Variants in PSMB5 observed in about 807,000 individuals in gnomAD.
PSMB5 encodes the protein proteasome 20S subunit beta 5.
Under a neutral mutation model 22.8 loss-of-function variants are expected in PSMB5, and 2 were observed. The ratio of observed to expected loss-of-function variants is 0.09; its 90% CI spans 0.04 to 0.28. PSMB5 has a LOEUF of 0.28. Among genes scored for constraint, PSMB5 ranks in the 10% least tolerant of loss-of-function variants. PSMB5 has a pLI of 1.00. For missense variants in PSMB5, 269 were observed against 343.8 expected, an observed-to-expected ratio of 0.78 and a Z score of 1.72; for synonymous variants, 133 against 135.3, an observed-to-expected ratio of 0.98 and a Z score of 0.12.
At position 23,026,155 on chromosome 14, in the gene PSMB5, G is replaced by A. The variant is rs1303171893; in HGVS notation, c.726C>T (p.Gly242=). Residue 242 remains glycine, a synonymous_variant, in exon 3 of 3, where the codon GGC becomes GGT. Transcript: ENST00000361611. The part of the protein sequence containing the change: ...AVNLYHVRED[G]WIRVSSDNVA... The stretch of plus-strand genomic sequence containing the variant: ...CATTGTCACTGGAGACTCGGATCCA[G>A]CCATCCTCCCGCACGTGGTAGAGGT... 15 of 1,614,030 alleles carry A rather than the reference G, an allele frequency of 9.3e-6. No homozygotes were observed. The highest frequency in any genetic ancestry group is 3.3e-5 in the Admixed American group (2 of 60,010).
intron 2 of PSMB5, among the ~76,000 whole-genome samples, chr14:23,032,954 T>C (rs995271423): frequency 1.0e-4 from 15 of 150,476 alleles, no homozygotes; most frequent in Non-Finnish European, 1.6e-4. Context: ...TCGCCCAGGC[T>C]GGAGTGCAGT....
intron 2 of PSMB5, 116 bp downstream of exon 2, chr14:23,033,252 A>G: frequency 9.3e-7 from 1 of 1,071,510 alleles, no homozygotes; most frequent in Non-Finnish European, 1.3e-6. Context: ...AGGAAGGGCT[A>G]AGGACCTAAT....
rs184086603 is a variant in PSMB5, at chr14:23,029,227, C to G, written c.506-2852G>C. On this transcript the variant is annotated intron_variant, in intron 2 of 2. Coordinates refer to ENST00000361611, the MANE Select transcript of PSMB5 (RefSeq NM_002797.5). Reference sequence around the variant, plus strand: ...AGGTGATTCTGATGTCTACCTTACTCCTTTCTCTGGCCCCTCCTCAGCCCC... The same window carrying G: ...AGGTGATTCTGATGTCTACCTTACTGCTTTCTCTGGCCCCTCCTCAGCCCC... 3.3e-5 allele frequency among the ~76,000 whole-genome samples: 5 copies of G among 152,250 alleles called. No homozygotes were observed. The East Asian group carries it at 9.7e-4, about 29-fold the overall frequency.
upstream of PSMB5, chr14:23,034,936 G>C: frequency 4.5e-6 from 7 of 1,566,350 alleles, no homozygotes; most frequent in Non-Finnish European, 6.1e-6. Flanking sequence ...AGATAGGCCG[G>C]GCAACGCCTC....
At chr14:23,032,655 G>C (rs2046961658) in intron 2 of PSMB5, among the ~76,000 whole-genome samples, 1 of 151,606 alleles carries the variant, frequency 6.6e-6, no homozygotes. Context: ...CTGGAGTGCA[G>C]TGGCACCATC....
intron 1 of PSMB5, 110 bp from the exon 2 acceptor site, chr14:23,033,784 T>C (rs2139922700): frequency 1.0e-6 from 1 of 969,114 alleles, no homozygotes; most frequent in East Asian, 2.6e-5. Context: ...TCTCCGTCCT[T>C]TTATACTTCA....
chr14:23,028,451 T>C (rs1594712425), intron 2 of PSMB5, among the ~76,000 whole-genome samples: 1 of 152,254 alleles, frequency 6.6e-6, no homozygotes, highest in East Asian at 1.9e-4. Context: ...AATGAACTAG[T>C]ACTACCTGCT....
At chr14:23,033,825 A>T (rs1392707072) in intron 1 of PSMB5, 151 bp from the exon 2 acceptor site, 3 of 691,132 alleles carry the variant, frequency 4.3e-6, no homozygotes, top group Non-Finnish European at 4.7e-6. Flanking sequence ...CCATATATTA[A>T]TGTCACCCGA....
Position 23,025,930 on chromosome 14 carries a change from G to T in PSMB5, c.*159C>A. 1 of 1,467,442 alleles carries T rather than the reference G, an allele frequency of 6.8e-7. No homozygotes were observed. The highest frequency in any genetic ancestry group is 9.0e-7 in the Non-Finnish European group (1 of 1,114,148). The allele number at this position is 1,467,442 out of a possible 1,614,324, so 90.9% of individuals were successfully genotyped here. Reference sequence around the variant, plus strand: ...GTCACCTCTGCAGCAGCTCATTAATGACTGGTAACACATAGAGGTCAATGT... The same window carrying T: ...GTCACCTCTGCAGCAGCTCATTAATTACTGGTAACACATAGAGGTCAATGT... On this transcript the variant is annotated 3_prime_UTR_variant, in exon 3 of 3. Coordinates refer to ENST00000361611, the MANE Select transcript of PSMB5 (RefSeq NM_002797.5).
rs780945038 is a variant in PSMB5 at position 23,034,867 on chromosome 14, G to A, written c.15C>T (p.Ser5=). 2 of 1,614,022 alleles carry A rather than the reference G, an allele frequency of 1.2e-6. No individual in the cohort carries two copies. Among genetic ancestry groups the A allele is most frequent in the East Asian group, 2.2e-5 (1 of 44,876 alleles). MALA[S]VLERPLPVNQ... is the part of the protein sequence containing the mutation. ...TCACCGGTAGCGGTCTCTCCAACAC[G>A]CTGGCAAGCGCCATGTCTAGTGTGG... Residue 5 remains serine, a synonymous_variant, in exon 1 of 3, where the codon AGC becomes AGT. Coordinates refer to ENST00000361611, the MANE Select transcript of PSMB5 (RefSeq NM_002797.5).
rs752160184 is a variant in PSMB5, at chr14:23,033,497, C to G, written c.376G>C (p.Glu126Gln). ...RLLARQCRIY[E>Q]LRNKERISVA... ...GAGATGCGTTCCTTATTTCGAAGCTCATAGATTCGACATTGCCGAGCCAAC... is the reference window on the plus strand; with the variant it reads ...GAGATGCGTTCCTTATTTCGAAGCTGATAGATTCGACATTGCCGAGCCAAC... The change falls in exon 2 of 3, where the codon GAG (glutamate) becomes CAG (glutamine). Residue 126 changes from glutamate (E) to glutamine (Q), a missense_variant. Physicochemically the swap from Glu to Gln is conservative, Grantham distance 29 (BLOSUM62 2). This residue lies in a region of PSMB5 where 75 missense variants were observed against 143.2 expected (regional missense o/e 0.52). Transcript: ENST00000361611. 2 of 1,614,092 alleles carry G rather than the reference C, an allele frequency of 1.2e-6. No homozygotes were observed. Among genetic ancestry groups the G allele is most frequent in the Non-Finnish European group, 1.7e-6 (2 of 1,180,024 alleles).
At position 23,034,520 on chromosome 14, in the gene PSMB5, G is replaced by A. The variant is rs1031730179; in HGVS notation, c.198+164C>T. 1.3e-5 allele frequency: 10 copies of A among 775,632 alleles called. No homozygotes were observed. The African/African-American group carries it at 1.4e-4, about 11-fold the overall frequency. The allele number at this position is 775,632 out of a possible 1,614,324, so 48.0% of individuals were successfully genotyped here. On this transcript the variant is annotated intron_variant, in intron 1 of 2. Transcript: ENST00000361611. ...CTTTCCAACCAGAGCAAAGACAGGGGCCTCCTGGGCCAATGAGACAGCAAA... is the reference window on the plus strand; with the variant it reads ...CTTTCCAACCAGAGCAAAGACAGGGACCTCCTGGGCCAATGAGACAGCAAA...
rs1354011612 is a variant in PSMB5 at position 23,026,344 on chromosome 14, C to T, written c.537G>A (p.Arg179=). The part of the protein sequence containing the change: ...GLYYVDSEGN[R]ISGATFSVGS... ...CTACAGAGAAGGTGGCCCCTGAAATCCGGTTCCCTTCACTGTCCACGTAGT... is the reference window on the plus strand; with the variant it reads ...CTACAGAGAAGGTGGCCCCTGAAATTCGGTTCCCTTCACTGTCCACGTAGT... The change falls in exon 3 of 3, where the codon CGG becomes CGA. Residue 179 remains arginine, a synonymous_variant. Transcript: ENST00000361611. The T allele has an allele frequency of 1.2e-6, 2 of 1,614,066 alleles. No individual in the cohort carries two copies. Among genetic ancestry groups the T allele is most frequent in the Non-Finnish European group, 1.7e-6 (2 of 1,180,006 alleles).
At chr14:23,029,408 T>C (rs1421851602) in intron 2 of PSMB5, among the ~76,000 whole-genome samples, 1 of 152,196 alleles carries the variant, frequency 6.6e-6, no homozygotes. Flanking sequence ...TCCCTTTCTT[T>C]GTTATGTTCC....
chr14:23,033,239 AGAAG>A (rs2046966804), intron 2 of PSMB5, 125 bp downstream of exon 2: 3 of 959,826 alleles, frequency 3.1e-6, no homozygotes, highest in South Asian at 1.7e-5. Context: ...AAAAAAAGAG[AGAAG>A]GAAGGGCTAA....
At chr14:23,029,670 C>G (rs1482997451) in intron 2 of PSMB5, among the ~76,000 whole-genome samples, 2 of 152,230 alleles carry the variant, frequency 1.3e-5, no homozygotes, top group Admixed American at 6.5e-5. Flanking sequence ...CCTGCCTCAG[C>G]CTCCTGAGTA....
chr14:23,026,403 A>G lies in PSMB5; in HGVS notation c.506-28T>C, dbSNP rs1277285262. 7.1e-6 allele frequency: 11 copies of G among 1,544,238 alleles called. No individual in the cohort carries two copies. The African/African-American group carries it at 1.5e-4, about 22-fold the overall frequency. On this transcript the variant is annotated intron_variant, in intron 2 of 2. Coordinates refer to ENST00000361611, the MANE Select transcript of PSMB5 (RefSeq NM_002797.5). ...GGAAAGGGAGATGAGGTTAGCAGGAAAAAAAAAAAGATCACCCCTTTTGAT... is the reference window on the plus strand; with the variant it reads ...GGAAAGGGAGATGAGGTTAGCAGGAGAAAAAAAAAGATCACCCCTTTTGAT...
rs891067967 is a variant in PSMB5, at chr14:23,026,211, A to G, written c.670T>C (p.Tyr224His). Residue 224 changes from tyrosine (Y) to histidine (H), a missense_variant, in exon 3 of 3, where the codon TAC becomes CAC. By Grantham distance (83) the Tyr-to-His change is moderately conservative. Around this residue, in one of 3 missense-constraint regions of PSMB5, gnomAD observed 113 missense variants for 130.2 expected, o/e 0.87. Transcript: ENST00000361611. ...GCACCTCCTGAGTAGGCATCTCTGT[A>G]GGTGGCTTGGTAGATGGCTCGACGG... is the stretch of plus-strand genomic sequence containing the variant. ...LARRAIYQAT[Y>H]RDAYSGGAVN... is the part of the protein sequence containing the mutation. 1 of 1,614,126 alleles carries G rather than the reference A, an allele frequency of 6.2e-7. No homozygotes were observed. The highest frequency in any genetic ancestry group is 1.3e-5 in the African/African-American group (1 of 75,034).
chr14:23,032,649 A>AGTGCAGT (rs2046961619), intron 2 of PSMB5, among the ~76,000 whole-genome samples: 1 of 150,972 alleles, frequency 6.6e-6, no homozygotes, highest in South Asian at 2.1e-4. Context: ...CCCAGGCTGG[A>AGTGCAGT]GTGCAGTGGC....
Sources: gnomAD v4.1 joint callset for allele counts (sites outside exome capture counted in the v4.1 genomes callset) on GRCh38, gnomAD v4.1.1 for gene constraint, gnomAD v4.1.1 regional missense constraint, MANE v1.5 for transcripts, NCBI Gene and HGNC (gene_info 2026-07-23, HGNC 2026-07-21) for gene names.